PDE4D: variants seen among roughly 807,000 people sequenced by gnomAD.
PDE4D encodes the protein phosphodiesterase 4D.
Under a neutral mutation model 87.4 loss-of-function variants are expected in PDE4D, and 24 were observed. The ratio of observed to expected loss-of-function variants is 0.27; its 90% confidence interval spans 0.20 to 0.39. The LOEUF is 0.39. Among genes scored for constraint, PDE4D ranks in the 10% least tolerant of loss-of-function variants. The pLI is 1.00. For synonymous variants in PDE4D, 384 were observed against 383.2 expected (o/e 1.00, Z -0.02); for missense variants, 714 against 1,041.0 (o/e 0.69, Z 4.32).
rs536261864 is a variant in PDE4D, at chr5:59,001,649, TC to T, written c.922-8185del. 2.2e-3 allele frequency among the ~76,000 whole-genome samples: 329 copies of T among 152,280 alleles called. 2 individuals carry two copies. Among genetic ancestry groups the T allele is most frequent in the Non-Finnish European group, 4.1e-3 (278 of 68,012 alleles). On this transcript the variant is annotated intron_variant, in intron 6 of 14. Coordinates refer to ENST00000340635, the MANE Select transcript of PDE4D (RefSeq NM_001104631.2). ...CCCTCAACTCCCAGGATCCTGAACTTCTTTAATTTTCCCTAGGCCCACAATC... is the reference window on the plus strand; with the variant it reads ...CCCTCAACTCCCAGGATCCTGAACTTTTTAATTTTCCCTAGGCCCACAATC...
chr5:60,338,818 G>T (rs115634229), intron 1 of PDE4D, among the ~76,000 whole-genome samples: 138 of 152,182 alleles, frequency 9.1e-4, no homozygotes, highest in African/African-American at 3.1e-3. Context: ...TGCTGAGGTT[G>T]CCCCTTCCCA....
chr5:60,482,229 G>GT lies in PDE4D; in HGVS notation c.-90+5712dup, dbSNP rs1350532191. ...CTGCCATGTGAAGATAATAGGAGAA[G>GT]TCAGCCACTTGCAACCCAAAAGACA... On this transcript the variant is annotated intron_variant, in intron 1 of 16. Transcript: ENST00000502484. Among the ~76,000 whole-genome samples the GT allele has an allele frequency of 9.9e-5, 15 of 152,202 alleles. No individual in the cohort carries two copies. In the South Asian group the frequency reaches 1.2e-3, roughly 13 times the overall value.
At chr5:59,599,627 C>T (rs1434016899) in intron 1 of PDE4D, among the ~76,000 whole-genome samples, 1 of 152,132 alleles carries the variant, frequency 6.6e-6, no homozygotes, top group African/African-American at 2.4e-5. Flanking sequence ...AAACCATCAT[C>T]TCAGACTCTA....
chr5:60,095,563 C>T (rs934217285), intron 2 of PDE4D, among the ~76,000 whole-genome samples: 2 of 152,060 alleles, frequency 1.3e-5, no homozygotes, highest in African/African-American at 4.8e-5. Flanking sequence ...TGGATATATA[C>T]CCAGTAATGA....
chr5:59,552,488 T>C (rs1333673414), intron 1 of PDE4D, among the ~76,000 whole-genome samples: 4 of 152,168 alleles, frequency 2.6e-5, no homozygotes, highest in Non-Finnish European at 2.9e-5. Context: ...CAAACAAATA[T>C]TACATACAAA....
At chr5:60,023,420 T>C (rs1766285533) in intron 2 of PDE4D, among the ~76,000 whole-genome samples, 1 of 152,128 alleles carries the variant, frequency 6.6e-6, no homozygotes. Flanking sequence ...TCCTAGCAAT[T>C]TCAGTTGCAT....
chr5:59,909,999 G>GTGGAAAAACCTCTACTTA lies in PDE4D; in HGVS notation c.272+78471_272+78488dup, dbSNP rs1427361216. 2.0e-5 allele frequency among the ~76,000 whole-genome samples: 3 copies of GTGGAAAAACCTCTACTTA among 152,184 alleles called. No homozygotes were observed. In the East Asian group the frequency reaches 5.8e-4, roughly 29 times the overall value. On this transcript the variant is annotated intron_variant, in intron 3 of 16. Coordinates refer to the PDE4D transcript ENST00000502484. The stretch of plus-strand genomic sequence containing the variant: ...CCCCACCATCGTACTTCTCTGCAAC[G>GTGGAAAAACCTCTACTTA]TGGAAAAACCTCTACTTATTCACTT...
intron 5 of PDE4D, among the ~76,000 whole-genome samples, chr5:59,055,850 C>G (rs943294302): frequency 2.9e-4 from 44 of 152,198 alleles, no homozygotes; most frequent in Middle Eastern, 3.2e-3. Flanking sequence ...CACTTCTCAA[C>G]AAATACTTGT....
At chr5:59,153,653 G>A (rs1018463111) in intron 5 of PDE4D, among the ~76,000 whole-genome samples, 4 of 152,014 alleles carry the variant, frequency 2.6e-5, no homozygotes, top group Non-Finnish European at 1.5e-5. Flanking sequence ...CCTACTTCAG[G>A]TCTATTGAAC....
chr5:59,018,097 A>G (rs1358560380), intron 6 of PDE4D, among the ~76,000 whole-genome samples: 1 of 152,226 alleles, frequency 6.6e-6, no homozygotes, highest in Non-Finnish European at 1.5e-5. Context: ...AGGAGCTAAT[A>G]AATTGTATTG....
chr5:60,154,273 C>A (rs910245853), intron 2 of PDE4D, among the ~76,000 whole-genome samples: 1 of 114,624 alleles, frequency 8.7e-6, no homozygotes, highest in Non-Finnish European at 1.9e-5. Flanking sequence ...TGAAAAAATT[C>A]TATTAACTTC....
chr5:59,343,617 C>T (rs1031700675), intron 1 of PDE4D, among the ~76,000 whole-genome samples: 1 of 152,112 alleles, frequency 6.6e-6, no homozygotes, highest in Non-Finnish European at 1.5e-5. Context: ...GATATAAGTT[C>T]ACAGGGACAT....
intron 1 of PDE4D, among the ~76,000 whole-genome samples, chr5:60,431,868 G>A (rs1286443343): frequency 6.6e-6 from 1 of 152,238 alleles, no homozygotes; most frequent in African/African-American, 2.4e-5. Flanking sequence ...GTTAGGAGCT[G>A]GAGACCAGCC....
At chr5:59,600,871 C>G (rs1323956033) in intron 1 of PDE4D, among the ~76,000 whole-genome samples, 3 of 152,178 alleles carry the variant, frequency 2.0e-5, no homozygotes, top group Non-Finnish European at 4.4e-5. Context: ...CCCATCATTT[C>G]TCAGTAGGCT....
chr5:59,481,347 G>T (rs1276289301), intron 1 of PDE4D, among the ~76,000 whole-genome samples: 1 of 150,652 alleles, frequency 6.6e-6, no homozygotes, highest in Non-Finnish European at 1.5e-5. Flanking sequence ...CTTTTTAATA[G>T]ACTGGGGAGT....
chr5:59,522,709 A>G (rs932604950), intron 1 of PDE4D, among the ~76,000 whole-genome samples: 1 of 152,208 alleles, frequency 6.6e-6, no homozygotes, highest in Non-Finnish European at 1.5e-5. Flanking sequence ...TGAATGATAT[A>G]CAGAATGTGA....
At chr5:59,586,435 T>G in intron 1 of PDE4D, 1 of 1,588,256 alleles carries the variant, frequency 6.3e-7, no homozygotes, top group Non-Finnish European at 8.6e-7. Context: ...GTAGTGATTT[T>G]TACAGATGAA....
At chr5:60,064,856 G>A (rs1417343860) in intron 2 of PDE4D, among the ~76,000 whole-genome samples, 1 of 152,048 alleles carries the variant, frequency 6.6e-6, no homozygotes, top group Non-Finnish European at 1.5e-5. Flanking sequence ...GAAATGTGAA[G>A]CCATCTATTT....
At chr5:60,107,687 T>G (rs915896474) in intron 2 of PDE4D, among the ~76,000 whole-genome samples, 142 of 152,316 alleles carry the variant, frequency 9.3e-4, no homozygotes, top group Admixed American at 1.6e-3. Flanking sequence ...ATCCCTGGGA[T>G]GCAAGGCTGG....
Sources: allele counts gnomAD v4.1 joint callset (sites outside exome capture counted in the v4.1 genomes callset), GRCh38; gene constraint gnomAD v4.1.1; transcripts MANE v1.5; gene names NCBI Gene and HGNC (gene_info 2026-07-23, HGNC 2026-07-21).